RYR2: variants seen among roughly 807,000 people sequenced by gnomAD.
The protein encoded by RYR2 is cardiac muscle ryanodine receptor-calcium release channel.
RYR2 carries 227 observed loss-of-function variants against 601.1 expected under a neutral mutation model. The observed-to-expected ratio is 0.38, with a 90% CI of 0.34 to 0.42. The LOEUF (loss-of-function observed/expected upper bound fraction) is 0.42, where lower values mean the gene tolerates loss of function less well. RYR2 is among the 10% of genes least tolerant of loss of function. The pLI is 1.00. For missense variants in RYR2, 4,646 were observed against 6,156.5 expected (o/e 0.75, Z 8.21); for synonymous variants, 2,223 against 2,175.1 (o/e 1.02, Z -0.61).
chr1:237,046,860 G>A (rs1023334561), intron 1 of RYR2, among the ~76,000 whole-genome samples: 6 of 152,198 alleles, frequency 3.9e-5, no homozygotes, highest in African/African-American at 7.2e-5. Context: ...GTTGAACACC[G>A]TCTGTATGCA....
At chr1:237,530,243 G>A (rs1385866803) in intron 24 of RYR2, among the ~76,000 whole-genome samples, 184 bp from the exon 25 acceptor site, 3 of 151,884 alleles carry the variant, frequency 2.0e-5, no homozygotes, top group Non-Finnish European at 2.9e-5. Context: ...TCCGGGAGGC[G>A]GAGCTTGCAG....
rs576652526 is a variant in RYR2, at chr1:237,464,370, T to C, written c.1613-4722T>C. ...TAACTTCACATCCTAACTTCCATTC[T>C]CTTCACATCCTAACTTCCATTCTTA... On this transcript the variant is annotated intron_variant, in intron 16 of 104. Coordinates refer to ENST00000366574, the MANE Select transcript of RYR2 (RefSeq NM_001035.3). 5.3e-5 allele frequency among the ~76,000 whole-genome samples: 8 copies of C among 152,006 alleles called. No individual in the cohort carries two copies. In the East Asian group the frequency reaches 1.6e-3, roughly 30 times the overall value.
chr1:237,082,412 T>A (rs1461888656), intron 1 of RYR2, among the ~76,000 whole-genome samples: 2 of 151,666 alleles, frequency 1.3e-5, no homozygotes, highest in Non-Finnish European at 2.9e-5. Context: ...AAAATTGCTA[T>A]TGTCGATGCA....
At chr1:237,047,998 C>T (rs988331762) in intron 1 of RYR2, among the ~76,000 whole-genome samples, 5 of 152,158 alleles carry the variant, frequency 3.3e-5, no homozygotes, top group East Asian at 1.9e-4. Context: ...AGAAACCCAC[C>T]GTAGATTCGA....
chr1:237,574,177 A>G (rs952757314), intron 29 of RYR2, among the ~76,000 whole-genome samples: 1 of 152,202 alleles, frequency 6.6e-6, no homozygotes, highest in Non-Finnish European at 1.5e-5. Flanking sequence ...GATTCCTTCA[A>G]TCATCACTTT....
intron 11 of RYR2, 29 bp downstream of exon 11, chr1:237,417,152 T>A: frequency 6.5e-7 from 1 of 1,543,778 alleles, no homozygotes; most frequent in Non-Finnish European, 9.0e-7. Context: ...CACAGCCTAA[T>A]GCACCAAGTG....
intron 31 of RYR2, 47 bp from the exon 32 acceptor site, chr1:237,591,692 C>G: frequency 6.8e-7 from 1 of 1,463,202 alleles, no homozygotes; most frequent in East Asian, 2.3e-5. Context: ...TTGAAGTAGA[C>G]AGAACATTTT....
intron 100 of RYR2, 90 bp from the exon 101 acceptor site, chr1:237,818,946 G>A: frequency 8.7e-7 from 1 of 1,147,688 alleles, no homozygotes; most frequent in Non-Finnish European, 1.2e-6. Flanking sequence ...TCCAGAGTGA[G>A]GATTAGGAAC....
intron 2 of RYR2, among the ~76,000 whole-genome samples, chr1:237,302,399 A>T (rs1460914446): frequency 6.6e-6 from 1 of 152,136 alleles, no homozygotes; most frequent in East Asian, 1.9e-4. Flanking sequence ...GAACTTAAGA[A>T]CTCTAGGAAT....
intron 62 of RYR2, among the ~76,000 whole-genome samples, 174 bp downstream of exon 62, chr1:237,680,751 T>C (rs1398402183): frequency 6.6e-6 from 1 of 152,204 alleles, no homozygotes; most frequent in Admixed American, 6.5e-5. Flanking sequence ...TTTGGATATG[T>C]GTTCTAGATG....
intron 26 of RYR2, 31 bp from the exon 27 acceptor site, chr1:237,550,513 T>C: frequency 6.2e-7 from 1 of 1,601,272 alleles, no homozygotes; most frequent in Non-Finnish European, 8.5e-7. Flanking sequence ...TTGGTATTGC[T>C]TTGACGGCTG....
chr1:237,409,554 G>T (rs1007172414), intron 10 of RYR2, among the ~76,000 whole-genome samples: 3 of 151,926 alleles, frequency 2.0e-5, no homozygotes, highest in African/African-American at 4.8e-5. Context: ...CATTCCTTTT[G>T]AAATAAAAAA....
At chr1:237,567,479 A>G (rs1219180342) in intron 28 of RYR2, among the ~76,000 whole-genome samples, 2 of 151,614 alleles carry the variant, frequency 1.3e-5, no homozygotes, top group African/African-American at 4.8e-5. Context: ...GGTCCCAGCT[A>G]CATACGAGGC....
At chr1:237,343,978 G>A (rs958255035) in intron 3 of RYR2, among the ~76,000 whole-genome samples, 2 of 151,932 alleles carry the variant, frequency 1.3e-5, no homozygotes, top group Non-Finnish European at 2.9e-5. Flanking sequence ...CCACCACCAC[G>A]CCTGGCTAAT....
intron 3 of RYR2, among the ~76,000 whole-genome samples, chr1:237,334,440 A>AAAATAT (rs71561865): frequency 2.1e-5 from 3 of 146,050 alleles, no homozygotes; most frequent in African/African-American, 5.0e-5. Flanking sequence ...GTTTAATTAA[A>AAAATAT]ATATATATAT....
intron 1 of RYR2, among the ~76,000 whole-genome samples, chr1:237,181,440 G>C (rs1678747931): frequency 6.6e-6 from 1 of 152,192 alleles, no homozygotes; most frequent in African/African-American, 2.4e-5. Flanking sequence ...ACCCAGGCTG[G>C]GAGCTCAAGA....
chr1:237,788,672 A>G (rs1341853224), intron 92 of RYR2, among the ~76,000 whole-genome samples: 1 of 152,220 alleles, frequency 6.6e-6, no homozygotes, highest in East Asian at 1.9e-4. Context: ...GCCACTTTCC[A>G]TTGATAATAA....
At chr1:237,448,980 T>C (rs1194407500) in intron 14 of RYR2, among the ~76,000 whole-genome samples, 2 of 152,166 alleles carry the variant, frequency 1.3e-5, no homozygotes, top group Admixed American at 6.6e-5. Flanking sequence ...TGATTATTGA[T>C]ATAGTAGGCT....
At position 237,624,546 on chromosome 1, in the gene RYR2, T is replaced by G. The variant is rs1573184484; in HGVS notation, c.6022+676T>G. ...TTTTTTCCTCATGTAAGAAAGAAAT[T>G]TGATCACAAACAGTTGTATTTAAAG... On this transcript the variant is annotated intron_variant, in intron 39 of 104. Transcript: ENST00000366574. 2.6e-5 allele frequency among the ~76,000 whole-genome samples: 4 copies of G among 152,298 alleles called. No homozygotes were observed. The East Asian group carries it at 7.7e-4, about 29-fold the overall frequency.
Sources: gnomAD v4.1 joint callset for allele counts (sites outside exome capture counted in the v4.1 genomes callset) on GRCh38, gnomAD v4.1.1 for gene constraint, MANE v1.5 for transcripts, NCBI Gene and HGNC (gene_info 2026-07-23, HGNC 2026-07-21) for gene names.